BIN1: variants seen among roughly 807,000 people sequenced by gnomAD.
BIN1 encodes bridging integrator 1.
In BIN1, 53 loss-of-function variants were observed where a neutral mutation model predicts 82.0. The ratio of observed to expected loss-of-function variants is 0.65; its 90% CI spans 0.52 to 0.81. The LOEUF (loss-of-function observed/expected upper bound fraction) is 0.81. Ranked by LOEUF, BIN1 falls within the 40% of genes least tolerant of loss-of-function variation. BIN1 has a pLI of 0.00. For missense variants in BIN1, 642 were observed against 784.4 expected (o/e 0.82, Z 2.17); for synonymous variants, 302 against 328.0 (o/e 0.92, Z 0.86).
At chr2:127,073,317 C>CG (rs1553469709) in intron 2 of BIN1, among the ~76,000 whole-genome samples, 1 of 152,194 alleles carries the variant, frequency 6.6e-6, no homozygotes, top group African/African-American at 2.4e-5. Flanking sequence ...TGTTTGCTTC[C>CG]AAGTGGCTCC....
chr2:127,070,263 G>T (rs1685706552), intron 4 of BIN1, among the ~76,000 whole-genome samples, 173 bp from the exon 5 acceptor site: 1 of 152,210 alleles, frequency 6.6e-6, no homozygotes, highest in Admixed American at 6.5e-5. Context: ...CTATTGGGGT[G>T]ACTGTGAGGA....
At chr2:127,086,741 C>T (rs1678219525) in intron 1 of BIN1, among the ~76,000 whole-genome samples, 1 of 152,094 alleles carries the variant, frequency 6.6e-6, no homozygotes, top group African/African-American at 2.4e-5. Flanking sequence ...CCCCTGACCT[C>T]GTGATCCACC....
chr2:127,076,493 T>TA (rs1447622630), intron 2 of BIN1, 133 bp downstream of exon 2: 1 of 1,040,312 alleles, frequency 9.6e-7, no homozygotes, highest in East Asian at 2.4e-5. Flanking sequence ...TAGGAAGTCT[T>TA]ACATGATCTT....
chr2:127,065,349 T>G (rs1027197164), intron 7 of BIN1, among the ~76,000 whole-genome samples: 2 of 152,110 alleles, frequency 1.3e-5, no homozygotes, highest in South Asian at 4.1e-4. Context: ...ACACCTCTCT[T>G]GGATCCAGGG....
At chr2:127,053,884 G>A (rs1310323806) in intron 13 of BIN1, 21 bp downstream of exon 13, 13 of 1,547,326 alleles carry the variant, frequency 8.4e-6, no homozygotes, top group Admixed American at 2.0e-5. Flanking sequence ...GGGCCCATGG[G>A]CAGTGGTGGG....
At chr2:127,098,874 T>G (rs1340278634) in intron 1 of BIN1, among the ~76,000 whole-genome samples, 1 of 152,200 alleles carries the variant, frequency 6.6e-6, no homozygotes, top group East Asian at 1.9e-4. Flanking sequence ...ACTCCTCGGC[T>G]GGGCCTGGGC....
Position 127,093,128 on chromosome 2 carries a change from G to A in BIN1, c.84+13732C>T, listed in dbSNP as rs1679155903. Reference sequence around the variant, plus strand: ...AGGGGTCAGGGAGGGAGGGCGGAAGGGGAAGTGGGGGCTTACAGTATCACC... The same window carrying A: ...AGGGGTCAGGGAGGGAGGGCGGAAGAGGAAGTGGGGGCTTACAGTATCACC... On this transcript the variant is annotated intron_variant, in intron 1 of 18. Transcript: ENST00000316724. This position sits in a 1 kb window ranked among gnomAD's most constrained non-coding sequence, Gnocchi z 5.7. Among the ~76,000 whole-genome samples the A allele has an allele frequency of 6.6e-6, 1 of 152,300 alleles. No individual in the cohort carries two copies. Among genetic ancestry groups the A allele is most frequent in the South Asian group, 2.1e-4 (1 of 4,826 alleles).
At chr2:127,069,755 C>CACACAT (rs1164062239) in intron 5 of BIN1, among the ~76,000 whole-genome samples, 2 of 152,130 alleles carry the variant, frequency 1.3e-5, no homozygotes, top group Non-Finnish European at 2.9e-5. Flanking sequence ...CACACACACA[C>CACACAT]ACACACACAC....
chr2:127,105,905 G>C (rs1434743238), intron 1 of BIN1, among the ~76,000 whole-genome samples: 2 of 152,254 alleles, frequency 1.3e-5, no homozygotes, highest in Non-Finnish European at 2.9e-5. Context: ...GGAGTCGTCA[G>C]GGGAAGTGGC....
chr2:127,065,419 C>T (rs1390414856), intron 7 of BIN1, among the ~76,000 whole-genome samples: 1 of 152,162 alleles, frequency 6.6e-6, no homozygotes, highest in Non-Finnish European at 1.5e-5. Context: ...CAGGCTATGG[C>T]TGGGCCATCC....
At chr2:127,100,128 T>A (rs998814883) in intron 1 of BIN1, among the ~76,000 whole-genome samples, 1 of 152,154 alleles carries the variant, frequency 6.6e-6, no homozygotes, top group African/African-American at 2.4e-5. Context: ...TAGACTGGAA[T>A]AAACTGGAGA....
In BIN1 at chr2:127,082,295, G is replaced by T. The variant is rs182666940; in HGVS notation, c.85-5589C>A. 1.3e-4 allele frequency among the ~76,000 whole-genome samples: 20 copies of T among 152,310 alleles called. No individual in the cohort carries two copies. Among genetic ancestry groups the T allele is most frequent in the African/African-American group, 4.8e-4 (20 of 41,574 alleles). On this transcript the variant is annotated intron_variant, in intron 1 of 18. Coordinates refer to ENST00000316724, the MANE Select transcript of BIN1 (RefSeq NM_139343.3). This position sits in a 1 kb window ranked among gnomAD's most constrained non-coding sequence, Gnocchi z 6.1. ...GGGGAGCTGTGGATGATGACACAGG[G>T]CTGGCCTCGGGGATCTTTCCGCCCT...
At chr2:127,081,159 T>C (rs977509273) in intron 1 of BIN1, among the ~76,000 whole-genome samples, 1 of 152,158 alleles carries the variant, frequency 6.6e-6, no homozygotes, top group Admixed American at 6.5e-5. Context: ...GCACAGGCAG[T>C]GCACGGCCAC....
intron 1 of BIN1, among the ~76,000 whole-genome samples, chr2:127,104,117 T>C (rs1247940352): frequency 6.6e-6 from 1 of 152,248 alleles, no homozygotes; most frequent in African/African-American, 2.4e-5. Context: ...ACTGGGCCTG[T>C]GTCCAGGCAG....
Position 127,067,052 on chromosome 2 carries a change from C to T in BIN1, c.612+1111G>A, listed in dbSNP as rs372839042. ...CACCACTGCACTCCAGCCAGGGGAA[C>T]GGAGAGAAACCCGTTCAAAAAAAAA... On this transcript the variant is annotated intron_variant, in intron 7 of 18. Transcript: ENST00000316724. The surrounding 1 kb of genome is among the most constrained non-coding windows in gnomAD (Gnocchi z 4.7). Among the ~76,000 whole-genome samples, 17 of 140,496 alleles carry T rather than the reference C, an allele frequency of 1.2e-4. No homozygotes were observed. The highest frequency in any genetic ancestry group is 6.1e-4 in the East Asian group (3 of 4,936). The allele number at this position is 140,496 out of a possible 152,430, so 92.2% of individuals were successfully genotyped here. A position where few individuals can be genotyped will look rare whatever the true frequency, so the allele number is the denominator to read the frequency against.
At position 127,057,823 on chromosome 2, in the gene BIN1, C is replaced by T. The variant is rs1402718006; in HGVS notation, c.1003-222G>A. Among the ~76,000 whole-genome samples the T allele has an allele frequency of 6.6e-6, 1 of 151,468 alleles. No homozygotes were observed. Among genetic ancestry groups the T allele is most frequent in the Admixed American group, 6.6e-5 (1 of 15,220 alleles). ...CCCCCGAGAGGGACACTGAGGCAGG[C>T]GGTCCAGAAACGCTGTGTGGAGAGA... On this transcript the variant is annotated intron_variant, in intron 11 of 18. Coordinates refer to ENST00000316724, the MANE Select transcript of BIN1 (RefSeq NM_139343.3). The surrounding 1 kb of genome is among the most constrained non-coding windows in gnomAD (Gnocchi z 5.0).
In BIN1 at chr2:127,102,903, G is replaced by A. The variant is rs147167101; in HGVS notation, c.84+3957C>T. Among the ~76,000 whole-genome samples, 19 of 152,326 alleles carry A rather than the reference G, an allele frequency of 1.2e-4. No homozygotes were observed. The East Asian group carries it at 3.7e-3, about 29-fold the overall frequency. ...GAGGGAAGAGGCCCAGAGCAGGGAGGTACAGACAGAGACAGAGAAAAAGAC... is the reference window on the plus strand; with the variant it reads ...GAGGGAAGAGGCCCAGAGCAGGGAGATACAGACAGAGACAGAGAAAAAGAC... On this transcript the variant is annotated intron_variant, in intron 1 of 18. Transcript: ENST00000316724.
At chr2:127,075,883 C>T (rs1279417155) in intron 2 of BIN1, among the ~76,000 whole-genome samples, 1 of 143,956 alleles carries the variant, frequency 6.9e-6, no homozygotes, top group Non-Finnish European at 1.5e-5. Context: ...TCCCAGAATG[C>T]TCCCAGCCCT....
chr2:127,065,173 G>A (rs563659554), intron 7 of BIN1, among the ~76,000 whole-genome samples: 10 of 152,246 alleles, frequency 6.6e-5, no homozygotes, highest in Non-Finnish European at 1.2e-4. Context: ...TAGGCCCAGT[G>A]ACTTGGGTTG....
Sources: gnomAD v4.1 joint callset for allele counts (sites outside exome capture counted in the v4.1 genomes callset) on GRCh38, gnomAD v4.1.1 for gene constraint, Gnocchi (gnomAD v3.1) non-coding constraint, MANE v1.5 for transcripts, NCBI Gene and HGNC (gene_info 2026-07-23, HGNC 2026-07-21) for gene names.